The following MTFMT variants were observed in gnomAD, a reference collection of about 807,000 sequenced individuals.
MTFMT encodes the protein methionyl-tRNA formyltransferase, mitochondrial.
MTFMT carries 47 observed loss-of-function variants against 51.8 expected under a neutral mutation model. That is an observed-to-expected ratio of 0.91 (90% CI 0.72 to 1.16). MTFMT has a LOEUF of 1.16. Among genes scored for constraint, MTFMT ranks in the 50% most tolerant of loss-of-function variants. MTFMT has a pLI of 0.00. For missense variants in MTFMT, 512 were observed against 482.3 expected, an observed-to-expected ratio of 1.06 and a Z score of -0.58; for synonymous variants, 196 against 176.7, an observed-to-expected ratio of 1.11 and a Z score of -0.87.
At chr15:65,008,046 G>A (rs1251511254) in intron 6 of MTFMT, among the ~76,000 whole-genome samples, 1 of 151,884 alleles carries the variant, frequency 6.6e-6, no homozygotes, top group Non-Finnish European at 1.5e-5. Context: ...ATTCAGTTGT[G>A]CTTTTTTATA....
chr15:65,004,790 T>A (rs1181673206), intron 8 of MTFMT, 64 bp downstream of exon 8: 1 of 1,083,766 alleles, frequency 9.2e-7, no homozygotes, highest in East Asian at 2.5e-5. Context: ...CTAAAAATAA[T>A]AAATGATACA....
chr15:65,020,946 G>A (rs1045289001), intron 4 of MTFMT, among the ~76,000 whole-genome samples: 10 of 152,138 alleles, frequency 6.6e-5, no homozygotes, highest in African/African-American at 2.4e-4. Flanking sequence ...CATCTCTACA[G>A]GTGGGAAAAA....
intron 1 of MTFMT, among the ~76,000 whole-genome samples, chr15:65,027,450 C>T (rs1192857894): frequency 1.3e-5 from 2 of 152,124 alleles, no homozygotes. Context: ...CCGTCCGCCT[C>T]CACCTCCCAA....
intron 6 of MTFMT, among the ~76,000 whole-genome samples, chr15:65,012,122 C>T (rs2086272807): frequency 1.0e-5 from 1 of 97,762 alleles, no homozygotes; most frequent in Non-Finnish European, 1.8e-5. Flanking sequence ...TGTCTTGGCA[C>T]TCTTGTCAAA....
At chr15:65,025,046 C>T (rs1322107404) in intron 2 of MTFMT, among the ~76,000 whole-genome samples, 2 of 151,706 alleles carry the variant, frequency 1.3e-5, no homozygotes, top group Non-Finnish European at 2.9e-5. Context: ...TTGAGTAAGA[C>T]AGAAAATTAC....
chr15:65,023,767 G>A lies in MTFMT; in HGVS notation c.447C>T (p.Cys149=), dbSNP rs773820171. ...PYGILNVHPS[C]LPRWRGPAPV... ...GGGCTGGGCCACGCCATCTCGGGAG[G>A]CAACTGGGATGAACATTCAATATGC... The change falls in exon 3 of 9, where the codon TGC becomes TGT. Residue 149 remains cysteine (C), a synonymous_variant. Transcript: ENST00000220058. 2.5e-6 allele frequency: 4 copies of A among 1,612,528 alleles called. No homozygotes were observed. The highest frequency in any genetic ancestry group is 3.4e-6 in the Non-Finnish European group (4 of 1,179,106).
intron 1 of MTFMT, among the ~76,000 whole-genome samples, chr15:65,029,063 G>T (rs1353470278): frequency 6.6e-6 from 1 of 152,172 alleles, no homozygotes; most frequent in East Asian, 1.9e-4. Flanking sequence ...CTGAGCCACG[G>T]ATTCCCCACA....
intron 2 of MTFMT, 95 bp from the exon 3 acceptor site, chr15:65,023,889 T>C: frequency 8.3e-7 from 1 of 1,200,214 alleles, no homozygotes; most frequent in South Asian, 2.2e-5. Flanking sequence ...TAGGAAACTT[T>C]CCCAGAAATT....
chr15:65,005,789 G>A (rs1037586273), intron 7 of MTFMT, among the ~76,000 whole-genome samples: 1 of 152,002 alleles, frequency 6.6e-6, no homozygotes, highest in Non-Finnish European at 1.5e-5. Flanking sequence ...TTTGTATTTA[G>A]TAGAGACGGG....
intron 2 of MTFMT, 31 bp from the exon 3 acceptor site, chr15:65,023,825 C>T: frequency 6.3e-7 from 1 of 1,587,732 alleles, no homozygotes; most frequent in Non-Finnish European, 8.6e-7. Context: ...ATTAGTATGT[C>T]AGTGGGCTTT....
At chr15:65,010,037 C>T (rs2086250707) in intron 6 of MTFMT, among the ~76,000 whole-genome samples, 1 of 152,118 alleles carries the variant, frequency 6.6e-6, no homozygotes, top group African/African-American at 2.4e-5. Flanking sequence ...CCCATTACTC[C>T]CCTGCCGTGG....
intron 7 of MTFMT, among the ~76,000 whole-genome samples, chr15:65,005,242 G>T (rs535016800): frequency 6.6e-6 from 1 of 152,306 alleles, no homozygotes; most frequent in South Asian, 2.1e-4. Flanking sequence ...CCAACAGGGG[G>T]AAATACATAG....
At chr15:65,029,093 C>A (rs1359348292) in intron 1 of MTFMT, among the ~76,000 whole-genome samples, 1 of 152,190 alleles carries the variant, frequency 6.6e-6, no homozygotes, top group African/African-American at 2.4e-5. Flanking sequence ...GGCAGGGAGG[C>A]CGTGGGACTG....
At position 65,029,412 on chromosome 15, in the gene MTFMT, C is replaced by T. The variant is rs2086459383; in HGVS notation, c.202G>A (p.Ala68Thr). 8 of 1,494,796 alleles carry T rather than the reference C, an allele frequency of 5.4e-6. No individual in the cohort carries two copies. In the East Asian group the frequency reaches 2.2e-4, roughly 42 times the overall value. The allele number at this position is 1,494,796 out of a possible 1,614,324, so 92.6% of individuals were successfully genotyped here. A position where few individuals can be genotyped will look rare whatever the true frequency, so the allele number is the denominator to read the frequency against. The change falls in exon 1 of 9, where the codon GCC becomes ACC. Residue 68 changes from alanine (A) to threonine (T), a missense_variant. Ala to Thr is a moderately conservative substitution (Grantham distance 58, BLOSUM62 0). Transcript: ENST00000220058. The stretch of plus-strand genomic sequence containing the variant: ...GATCCCTGGCCCGGGTACCTGGCGG[C>T]GTGCAGCGCCCGCAGCGCCTCGCGG... ...FAREALRALH[A>T]ARENKEEELI...
intron 8 of MTFMT, among the ~76,000 whole-genome samples, chr15:65,003,845 C>CAAAAAAAAAAA (rs768884218): frequency 1.5e-4 from 6 of 40,632 alleles, no homozygotes; most frequent in African/African-American, 1.8e-4. Flanking sequence ...AACTCCATCT[C>CAAAAAAAAAAA]AAAAAAAAAA....
Position 65,029,529 on chromosome 15 carries a change from G to C in MTFMT, c.85C>G (p.Leu29Val). 1 of 1,527,072 alleles carries C rather than the reference G, an allele frequency of 6.5e-7. No individual in the cohort carries two copies. Among genetic ancestry groups the C allele is most frequent in the South Asian group, 1.2e-5 (1 of 81,594 alleles). The allele number at this position is 1,527,072 out of a possible 1,614,324, so 94.6% of individuals were successfully genotyped here. The change falls in exon 1 of 9, where the codon CTG becomes GTG. Residue 29 changes from leucine to valine, a missense_variant. Leu to Val is a conservative substitution (Grantham distance 32). Coordinates refer to ENST00000220058, the MANE Select transcript of MTFMT (RefSeq NM_139242.4). Reference sequence around the variant, plus strand: ...CAGTCCTCCCAGCCGAGTCGGGCCAGTGCTCGCCACTGGGGACTCGGCCTC... The same window carrying C: ...CAGTCCTCCCAGCCGAGTCGGGCCACTGCTCGCCACTGGGGACTCGGCCTC... ...RGRPSPQWRA[L>V]ARLGWEDCRD... is the part of the protein sequence containing the mutation.
rs749184345 is a variant in MTFMT at position 65,027,030 on chromosome 15, CTTT to C, written c.217_219del (p.Lys73del). On this transcript the variant is annotated inframe_deletion, in exon 2 of 9. Coordinates refer to ENST00000220058, the MANE Select transcript of MTFMT (RefSeq NM_139242.4). ...TCCAGTTTGTCGATTAACTCTTCTT[CTTT>C]GTTTTCCCTAAATTAGATAGGAAGA... 9.3e-6 allele frequency: 15 copies of C among 1,613,004 alleles called. No homozygotes were observed. The highest frequency in any genetic ancestry group is 4.0e-5 in the African/African-American group (3 of 74,902).
At chr15:65,003,401 A>T in intron 8 of MTFMT, 145 bp from the exon 9 acceptor site, 1 of 628,546 alleles carries the variant, frequency 1.6e-6, no homozygotes, top group Non-Finnish European at 2.7e-6. Context: ...GCACTACACT[A>T]AGTAACATGT....
chr15:65,001,991 T>G lies in MTFMT; in HGVS notation c.*1071A>C, dbSNP rs1330680852. 1 of 152,212 alleles carries G rather than the reference T, an allele frequency of 6.6e-6. No individual in the cohort carries two copies. The highest frequency in any genetic ancestry group is 2.4e-5 in the African/African-American group (1 of 41,458). 9.4% of individuals were successfully genotyped at this position (152,212 alleles called of 1,614,324 possible). ...TGGTTAAATCTAGCTGGTAGTGAAA[T>G]GTAAAGAGCTGGATTTACTACTTAT... is the stretch of plus-strand genomic sequence containing the variant. On this transcript the variant is annotated 3_prime_UTR_variant, in exon 9 of 9. Coordinates refer to ENST00000220058, the MANE Select transcript of MTFMT (RefSeq NM_139242.4).
Sources: allele counts gnomAD v4.1 joint callset (sites outside exome capture counted in the v4.1 genomes callset), GRCh38; gene constraint gnomAD v4.1.1; transcripts MANE v1.5; gene names NCBI Gene and HGNC (gene_info 2026-07-23, HGNC 2026-07-21).